The following ZNF143 variants were observed in gnomAD, a reference collection of about 807,000 sequenced individuals.
ZNF143 encodes the protein SPH-binding factor.
A neutral mutation model predicts 74.1 loss-of-function variants in ZNF143; 49 were observed. That is an observed-to-expected ratio of 0.66 (90% CI 0.53 to 0.84). ZNF143 has a LOEUF of 0.84. Among genes scored for constraint, ZNF143 ranks in the 40% least tolerant of loss-of-function variants. The pLI, the probability that ZNF143 is intolerant of heterozygous loss-of-function variation, is 0.00. For synonymous variants in ZNF143, 304 were observed against 282.8 expected, an observed-to-expected ratio of 1.07 and a Z score of -0.75; for missense variants, 637 against 793.4, an observed-to-expected ratio of 0.80 and a Z score of 2.37.
rs1389027044 is a variant in ZNF143 at position 9,501,028 on chromosome 11, T to G, written c.968-63T>G. The G allele has an allele frequency of 1.9e-6, 3 of 1,580,360 alleles. No individual in the cohort carries two copies. The East Asian group carries it at 6.7e-5, about 35-fold the overall frequency. ...CATAATCCTAGGCAGGATTGAAGGA[T>G]AAGACATTTTAATCCTCTATATATT... On this transcript the variant is annotated intron_variant, in intron 10 of 15. Transcript: ENST00000396602.
intron 5 of ZNF143, among the ~76,000 whole-genome samples, chr11:9,476,572 A>ATGT (rs1054805320): frequency 2.6e-5 from 4 of 151,432 alleles, no homozygotes; most frequent in African/African-American, 7.3e-5. Flanking sequence ...GGGTTTCACC[A>ATGT]TGTTGGTCAG....
intron 2 of ZNF143, among the ~76,000 whole-genome samples, chr11:9,471,633 AC>A (rs1856577138): frequency 6.7e-6 from 1 of 148,674 alleles, no homozygotes; most frequent in Non-Finnish European, 1.5e-5. Context: ...GCTCACTGCA[AC>A]CTCTGCCTCC....
chr11:9,513,051 C>T (rs1393768023), intron 13 of ZNF143, among the ~76,000 whole-genome samples: 1 of 152,198 alleles, frequency 6.6e-6, no homozygotes, highest in African/African-American at 2.4e-5. Flanking sequence ...GAATAGGTAT[C>T]TTGATTTCCC....
chr11:9,497,915 C>G, intron 10 of ZNF143, 115 bp downstream of exon 10: 1 of 792,232 alleles, frequency 1.3e-6, no homozygotes, highest in Non-Finnish European at 1.8e-6. Context: ...ACTGCAAGCT[C>G]CGCCTCCCGG....
At chr11:9,518,735 A>AG (rs1683988207) in intron 14 of ZNF143, among the ~76,000 whole-genome samples, 1 of 151,224 alleles carries the variant, frequency 6.6e-6, no homozygotes, top group South Asian at 2.1e-4. Context: ...AAAAAAAAAA[A>AG]GCTTCTGGTT....
intron 4 of ZNF143, 115 bp downstream of exon 4, chr11:9,474,139 T>G (rs1856746057): frequency 1.2e-6 from 1 of 815,786 alleles, no homozygotes; most frequent in Non-Finnish European, 2.1e-6. Context: ...GTCCTCCTTC[T>G]GTAAAGGGAG....
chr11:9,461,167 G>A (rs1303478968), intron 1 of ZNF143, 91 bp downstream of exon 1: 2 of 789,688 alleles, frequency 2.5e-6, no homozygotes, highest in East Asian at 2.5e-4. Context: ...CTTGGGCCCG[G>A]GCTCCGGCTC....
At chr11:9,507,121 G>A (rs1418008426) in intron 11 of ZNF143, among the ~76,000 whole-genome samples, 1 of 152,182 alleles carries the variant, frequency 6.6e-6, no homozygotes, top group Non-Finnish European at 1.5e-5. Context: ...TACTTTATGT[G>A]TAAGACTTAT....
intron 14 of ZNF143, among the ~76,000 whole-genome samples, chr11:9,520,144 C>T (rs1053149273): frequency 7.2e-6 from 1 of 138,922 alleles, no homozygotes; most frequent in Non-Finnish European, 1.5e-5. Flanking sequence ...TCAAGTGATT[C>T]TCCTGCCTCG....
intron 13 of ZNF143, among the ~76,000 whole-genome samples, chr11:9,514,257 C>T (rs1459092054): frequency 2.0e-5 from 3 of 152,182 alleles, no homozygotes; most frequent in African/African-American, 7.2e-5. Flanking sequence ...TCCGACCATA[C>T]AGAATAAGTC....
chr11:9,477,004 T>C (rs1211461041), intron 5 of ZNF143, among the ~76,000 whole-genome samples: 2 of 150,970 alleles, frequency 1.3e-5, no homozygotes, highest in Non-Finnish European at 3.0e-5. Context: ...CCTTGTGATC[T>C]GCCCTCCTCA....
At chr11:9,515,788 C>G (rs1171859623) in intron 13 of ZNF143, among the ~76,000 whole-genome samples, 1 of 152,034 alleles carries the variant, frequency 6.6e-6, no homozygotes, top group Non-Finnish European at 1.5e-5. Flanking sequence ...TGAGACCAGC[C>G]TGGGCAACAT....
chr11:9,502,567 A>G (rs976944972), intron 11 of ZNF143, among the ~76,000 whole-genome samples: 1 of 149,196 alleles, frequency 6.7e-6, no homozygotes, highest in Non-Finnish European at 1.5e-5. Flanking sequence ...TTGAGATCGC[A>G]CCACTGCACT....
In ZNF143 at chr11:9,501,158, A is replaced by G; in HGVS notation, c.1035A>G (p.Lys345=). 1 of 1,614,192 alleles carries G rather than the reference A, an allele frequency of 6.2e-7. No homozygotes were observed. Among genetic ancestry groups the G allele is most frequent in the Non-Finnish European group, 8.5e-7 (1 of 1,180,040 alleles). The change falls in exon 11 of 16, where the codon AAA becomes AAG. Residue 345 remains lysine, a synonymous_variant. Coordinates refer to ENST00000396602, the MANE Select transcript of ZNF143 (RefSeq NM_003442.6). The part of the protein sequence containing the change: ...GRSFTTSNIR[K]VHVRTHTGER... ...CCTTTACAACATCAAATATCAGAAAAGTGCACGTTAGGACACACACAGGAG... is the reference window on the plus strand; with the variant it reads ...CCTTTACAACATCAAATATCAGAAAGGTGCACGTTAGGACACACACAGGAG...
intron 1 of ZNF143, 86 bp from the exon 2 acceptor site, chr11:9,471,216 G>C (rs1014926736): frequency 5.4e-5 from 61 of 1,131,550 alleles, no homozygotes; most frequent in Non-Finnish European, 7.1e-5. Context: ...ATCCTCAGCA[G>C]CTTTTTGTGG....
chr11:9,498,136 A>G (rs1848034745), intron 10 of ZNF143, among the ~76,000 whole-genome samples: 1 of 152,256 alleles, frequency 6.6e-6, no homozygotes, highest in Non-Finnish European at 1.5e-5. Context: ...GGCCTAGGCC[A>G]AGTTAATCTG....
At chr11:9,462,159 C>G (rs978066437) in intron 1 of ZNF143, 1 of 151,836 alleles carries the variant, frequency 6.6e-6, no homozygotes, top group Non-Finnish European at 1.5e-5. Context: ...TAATTTTGTC[C>G]TGGCGTATTT....
chr11:9,469,624 T>C (rs1856455552), intron 1 of ZNF143, among the ~76,000 whole-genome samples: 1 of 152,206 alleles, frequency 6.6e-6, no homozygotes, highest in Non-Finnish European at 1.5e-5. Flanking sequence ...GCTTGTTCTA[T>C]GAACAGTTAT....
chr11:9,474,763 G>T, intron 5 of ZNF143, 130 bp downstream of exon 5: 1 of 965,798 alleles, frequency 1.0e-6, no homozygotes, highest in Non-Finnish European at 1.5e-6. Context: ...GTACAAGGTG[G>T]CAGATTTAAG....
Sources: allele counts gnomAD v4.1 joint callset (sites outside exome capture counted in the v4.1 genomes callset), GRCh38; gene constraint gnomAD v4.1.1; transcripts MANE v1.5; gene names NCBI Gene and HGNC (gene_info 2026-07-23, HGNC 2026-07-21).